Variants in RALYL observed in about 807,000 individuals in gnomAD.
RALYL encodes the protein RALY RNA binding protein like, also known as RNA-binding Raly-like protein.
In RALYL, 29 loss-of-function variants were observed where a neutral mutation model predicts 35.1. The ratio of observed to expected loss-of-function variants is 0.83; its 90% CI spans 0.61 to 1.13. The LOEUF (loss-of-function observed/expected upper bound fraction) is 1.13, where lower values mean the gene tolerates loss of function less well. Among genes scored for constraint, RALYL ranks in the 50% most tolerant of loss-of-function variants. RALYL has a pLI of 0.00. For synonymous variants in RALYL, 120 were observed against 127.6 expected, an observed-to-expected ratio of 0.94 and a Z score of 0.40; for missense variants, 359 against 360.4, an observed-to-expected ratio of 1.00 and a Z score of 0.03.
At chr8:84,566,716 A>G (rs2061809093) in intron 2 of RALYL, among the ~76,000 whole-genome samples, 1 of 151,628 alleles carries the variant, frequency 6.6e-6, no homozygotes, top group African/African-American at 2.4e-5. Context: ...CATAATCCAA[A>G]ATTTACTGGA....
chr8:84,532,239 G>T (rs1048652485), intron 2 of RALYL, among the ~76,000 whole-genome samples: 3 of 151,758 alleles, frequency 2.0e-5, no homozygotes, highest in African/African-American at 7.3e-5. Context: ...TTGTTTGTTT[G>T]TTTTTTACTA....
intron 1 of RALYL, among the ~76,000 whole-genome samples, chr8:84,483,686 A>G (rs2054289407): frequency 6.6e-6 from 1 of 152,150 alleles, no homozygotes; most frequent in East Asian, 1.9e-4. Context: ...GAGGGCAGAT[A>G]TTATCAAACT....
intron 2 of RALYL, among the ~76,000 whole-genome samples, chr8:84,638,918 A>G (rs910105223): frequency 3.2e-5 from 4 of 126,308 alleles, no homozygotes; most frequent in African/African-American, 1.3e-4. Flanking sequence ...ATATATATAT[A>G]TATTCTCTCA....
intron 1 of RALYL, among the ~76,000 whole-genome samples, chr8:84,312,264 C>A (rs1446952638): frequency 6.6e-6 from 1 of 152,152 alleles, no homozygotes; most frequent in African/African-American, 2.4e-5. Context: ...TTCCTGAACA[C>A]ATGGGGATTA....
At chr8:84,495,535 A>G (rs1023745163) in intron 1 of RALYL, among the ~76,000 whole-genome samples, 1 of 152,144 alleles carries the variant, frequency 6.6e-6, no homozygotes, top group African/African-American at 2.4e-5. Flanking sequence ...AAATTAAAAA[A>G]TGTGCAGATT....
intron 1 of RALYL, among the ~76,000 whole-genome samples, chr8:84,283,172 TGTTGA>T (rs1222665309): frequency 6.6e-6 from 1 of 151,286 alleles, no homozygotes; most frequent in African/African-American, 2.5e-5. Context: ...TATGTATAAA[TGTTGA>T]GTTATGTATA....
chr8:84,321,429 T>C lies in RALYL; in HGVS notation c.-24+137005T>C, dbSNP rs144386245. ...CTTGAAGCAGAAGCCACTGGAGCCA[T>C]ACCTGGTAGAGACACAAGGTAATTT... On this transcript the variant is annotated intron_variant, in intron 1 of 8. Transcript: ENST00000521268. Among the ~76,000 whole-genome samples the C allele has an allele frequency of 1.3e-3, 198 of 152,274 alleles. 1 individual carries two copies. Among genetic ancestry groups the C allele is most frequent in the African/African-American group, 4.4e-3 (184 of 41,582 alleles).
chr8:84,329,187 T>C (rs1846366571), intron 1 of RALYL, among the ~76,000 whole-genome samples: 1 of 152,164 alleles, frequency 6.6e-6, no homozygotes, highest in Non-Finnish European at 1.5e-5. Flanking sequence ...TCCAAACAGC[T>C]TTCCACAGTA....
intron 2 of RALYL, among the ~76,000 whole-genome samples, chr8:84,734,277 GA>G (rs35130423): frequency 6.6e-6 from 1 of 152,016 alleles, no homozygotes; most frequent in South Asian, 2.1e-4. Flanking sequence ...TTTTAGAGTG[GA>G]AAAAATAAAT....
At chr8:84,590,231 A>G (rs1419020213) in intron 2 of RALYL, among the ~76,000 whole-genome samples, 2 of 152,216 alleles carry the variant, frequency 1.3e-5, no homozygotes, top group Non-Finnish European at 2.9e-5. Flanking sequence ...GCTTTGCTAA[A>G]CTTCCACAGG....
chr8:84,480,317 C>T (rs182135566), intron 1 of RALYL, among the ~76,000 whole-genome samples: 9 of 152,096 alleles, frequency 5.9e-5, no homozygotes, highest in Admixed American at 2.0e-4. Flanking sequence ...CAAAAAGAAA[C>T]TAAAGTGGGT....
chr8:84,720,853 A>T (rs1444018617), intron 2 of RALYL, among the ~76,000 whole-genome samples: 1 of 152,176 alleles, frequency 6.6e-6, no homozygotes, highest in African/African-American at 2.4e-5. Flanking sequence ...TCTCAAAAAG[A>T]GACATACAAA....
intron 1 of RALYL, among the ~76,000 whole-genome samples, chr8:84,338,814 G>T (rs1278296362): frequency 1.3e-5 from 2 of 152,054 alleles, no homozygotes; most frequent in Non-Finnish European, 2.9e-5. Context: ...TAATAGACAT[G>T]ATAGTGATAG....
At chr8:84,285,469 A>G (rs1266211137) in intron 1 of RALYL, among the ~76,000 whole-genome samples, 1 of 152,178 alleles carries the variant, frequency 6.6e-6, no homozygotes, top group Non-Finnish European at 1.5e-5. Flanking sequence ...TATTAATGGG[A>G]GAAGAATAAT....
At chr8:84,322,144 T>C (rs2130430715) in intron 1 of RALYL, among the ~76,000 whole-genome samples, 1 of 152,202 alleles carries the variant, frequency 6.6e-6, no homozygotes, top group Non-Finnish European at 1.5e-5. Flanking sequence ...GCAATATAAT[T>C]GACCCAAATA....
chr8:84,887,680 T>C lies in RALYL; in HGVS notation c.762T>C (p.Ser254=). Reference sequence around the variant, plus strand: ...GTGTGTCAGAGATTGCAGATCACTCTACAGAGGAGCCTGCTGAAGGAGGGC... The same window carrying C: ...GTGTGTCAGAGATTGCAGATCACTCCACAGAGGAGCCTGCTGAAGGAGGGC... The part of the protein sequence containing the change: ...EECVSEIADH[S]TEEPAEGGPD... Residue 254 remains serine (S), a synonymous_variant, in exon 8 of 9, where the codon TCT becomes TCC. Transcript: ENST00000521268. 14 of 1,613,778 alleles carry C rather than the reference T, an allele frequency of 8.7e-6. No individual in the cohort carries two copies. The highest frequency in any genetic ancestry group is 1.1e-5 in the Non-Finnish European group (13 of 1,179,790).
chr8:84,215,819 A>T (rs1024454127), intron 1 of RALYL, among the ~76,000 whole-genome samples: 2 of 152,220 alleles, frequency 1.3e-5, no homozygotes, highest in Non-Finnish European at 2.9e-5. Context: ...TTTAAAGAAC[A>T]TTAAATAAAT....
intron 2 of RALYL, among the ~76,000 whole-genome samples, chr8:84,757,784 C>T (rs535836185): frequency 2.6e-4 from 40 of 152,146 alleles, no homozygotes; most frequent in African/African-American, 7.2e-4. Context: ...AGTGTCTTAG[C>T]GTGAATGGTT....
chr8:84,769,385 C>T (rs1457158386), intron 2 of RALYL, among the ~76,000 whole-genome samples: 4 of 152,168 alleles, frequency 2.6e-5, no homozygotes, highest in Non-Finnish European at 4.4e-5. Context: ...TCTTCTCACA[C>T]CCAATAATCC....
Sources: allele counts gnomAD v4.1 joint callset (sites outside exome capture counted in the v4.1 genomes callset), GRCh38; gene constraint gnomAD v4.1.1; transcripts MANE v1.5; gene names NCBI Gene and HGNC (gene_info 2026-07-23, HGNC 2026-07-21).